Variants in FAM163B observed in about 807,000 individuals in gnomAD.
FAM163B encodes family with sequence similarity 163 member B, also known as protein FAM163B.
FAM163B carries 4 observed loss-of-function variants against 7.6 expected under a neutral mutation model. The ratio of observed to expected loss-of-function variants is 0.52; its 90% confidence interval spans 0.26 to 1.20. FAM163B has a LOEUF of 1.20. Ranked by LOEUF, FAM163B falls within the 50% of genes most tolerant of loss-of-function variation. FAM163B has a pLI of 0.14. For synonymous variants in FAM163B, 120 were observed against 111.6 expected (o/e 1.07, Z -0.47); for missense variants, 250 against 243.0 (o/e 1.03, Z -0.19).
At chr9:133,588,474 A>G (rs1164424462) in intron 1 of FAM163B, among the ~76,000 whole-genome samples, 2 of 125,596 alleles carry the variant, frequency 1.6e-5, no homozygotes, top group Admixed American at 1.6e-4. Context: ...TGCCCAGAAG[A>G]GGGCACACCT....
chr9:133,594,555 C>T (rs3025317), intron 1 of FAM163B, among the ~76,000 whole-genome samples: 58,530 of 152,010 alleles, frequency 0.39, 11,561 homozygotes, highest in Admixed American at 0.46. Context: ...GCTCTAGTAG[C>T]ACCCTCTGTC....
At chr9:133,591,297 C>G (rs539232774) in intron 1 of FAM163B, among the ~76,000 whole-genome samples, 2 of 152,356 alleles carry the variant, frequency 1.3e-5, no homozygotes, top group African/African-American at 4.8e-5. Flanking sequence ...TTTACTTAGG[C>G]CAGGAACCAG....
At chr9:133,584,199 G>A (rs1831398816) in intron 1 of FAM163B, among the ~76,000 whole-genome samples, 3 of 152,250 alleles carry the variant, frequency 2.0e-5, no homozygotes, top group South Asian at 4.2e-4. Context: ...TTTAATGGGG[G>A]AAGAATATGG....
Position 133,578,774 on chromosome 9 carries a change from G to A in FAM163B, c.*248C>T, listed in dbSNP as rs1831294357. On this transcript the variant is annotated 3_prime_UTR_variant, in exon 3 of 3. Coordinates refer to ENST00000673969, the MANE Select transcript of FAM163B (RefSeq NM_001080515.3). Reference sequence around the variant, plus strand: ...AGCCCTGGTGCATGCCCAGCCGGCTGTATGGTCACCTGGTCCTTCTAGCCC... The same window carrying A: ...AGCCCTGGTGCATGCCCAGCCGGCTATATGGTCACCTGGTCCTTCTAGCCC... 1.7e-6 allele frequency: 1 copy of A among 601,624 alleles called. No homozygotes were observed. The highest frequency in any genetic ancestry group is 2.6e-6 in the Non-Finnish European group (1 of 383,810). 37.3% of individuals were successfully genotyped at this position (601,624 alleles called of 1,614,324 possible).
Position 133,579,564 on chromosome 9 carries a change from C to G in FAM163B, c.94-135G>C, listed in dbSNP as rs1163421463. ...GGTGGCCCAAGCCCAGGCCTGACAC[C>G]TCAGCTGTTTAACCAGTGCTATGGG... On this transcript the variant is annotated intron_variant, in intron 2 of 2. Coordinates refer to ENST00000673969, the MANE Select transcript of FAM163B (RefSeq NM_001080515.3). The G allele has an allele frequency of 1.9e-5, 21 of 1,120,780 alleles. No homozygotes were observed. The East Asian group carries it at 5.2e-4, about 28-fold the overall frequency. 69.4% of individuals were successfully genotyped at this position (1,120,780 alleles called of 1,614,324 possible).
intron 1 of FAM163B, 118 bp from the exon 2 acceptor site, chr9:133,580,364 T>C: frequency 1.3e-6 from 1 of 771,382 alleles, no homozygotes; most frequent in East Asian, 2.7e-5. Flanking sequence ...AGGATGTGCC[T>C]GTGAGAGGCA....
At chr9:133,607,759 G>C (rs1042982540) in intron 1 of FAM163B, among the ~76,000 whole-genome samples, 1 of 152,216 alleles carries the variant, frequency 6.6e-6, no homozygotes, top group African/African-American at 2.4e-5. Flanking sequence ...CAAACTGCCA[G>C]CAAGTGCAAG....
rs1010002667 is a variant in FAM163B, at chr9:133,601,586, C to T, written c.-24+7491G>A. Among the ~76,000 whole-genome samples the T allele has an allele frequency of 2.6e-5, 4 of 152,168 alleles. No homozygotes were observed. The highest frequency in any genetic ancestry group is 7.2e-5 in the African/African-American group (3 of 41,434). ...GTGCCACATGGGTCAGACGCAGCTA[C>T]CCCCCGGACTGCTCCTACACGCTGG... On this transcript the variant is annotated intron_variant, in intron 1 of 2. Coordinates refer to ENST00000673969, the MANE Select transcript of FAM163B (RefSeq NM_001080515.3). This position sits in a 1 kb window ranked among gnomAD's most constrained non-coding sequence, Gnocchi z 4.1.
In FAM163B at chr9:133,577,542, T is replaced by C. The variant is rs1263692157; in HGVS notation, c.*1480A>G. 6.6e-6 allele frequency among the ~76,000 whole-genome samples: 1 copy of C among 152,260 alleles called. No homozygotes were observed. Among genetic ancestry groups the C allele is most frequent in the African/African-American group, 2.4e-5 (1 of 41,472 alleles). ...TTTTGAGTAAGGGCAAGAAGTGTCC[T>C]GCTCAAGCCACCCCTCCGCTCAGGG... On this transcript the variant is annotated 3_prime_UTR_variant, in exon 3 of 3. Coordinates refer to ENST00000673969, the MANE Select transcript of FAM163B (RefSeq NM_001080515.3).
At chr9:133,595,452 A>T (rs1410968436) in intron 1 of FAM163B, among the ~76,000 whole-genome samples, 1 of 152,198 alleles carries the variant, frequency 6.6e-6, no homozygotes, top group Non-Finnish European at 1.5e-5. Context: ...CCCGGCCAGG[A>T]CTGTGCATTT....
At chr9:133,603,361 C>T (rs368138621) in intron 1 of FAM163B, among the ~76,000 whole-genome samples, 8 of 152,184 alleles carry the variant, frequency 5.3e-5, no homozygotes, top group Admixed American at 3.3e-4. Context: ...TCAGAGCTAA[C>T]GCTAGGGGGA....
At chr9:133,599,218 G>A (rs946630844) in intron 1 of FAM163B, among the ~76,000 whole-genome samples, 7 of 152,210 alleles carry the variant, frequency 4.6e-5, no homozygotes, top group Middle Eastern at 3.4e-3. Context: ...CTGCTCCATC[G>A]ACTCGGAACT....
In FAM163B at chr9:133,600,249, T is replaced by A. The variant is rs1831702159; in HGVS notation, c.-24+8828A>T. 7.3e-6 allele frequency among the ~76,000 whole-genome samples: 1 copy of A among 136,312 alleles called. No homozygotes were observed. The highest frequency in any genetic ancestry group is 1.6e-5 in the Non-Finnish European group (1 of 64,198). The allele number at this position is 136,312 out of a possible 152,430, so 89.4% of individuals were successfully genotyped here. ...GGAATGTGGTCTGTGTGCATGTGTG[T>A]GAGTGTGGTCTGTGTGTGTGTGTGT... On this transcript the variant is annotated intron_variant, in intron 1 of 2. Coordinates refer to ENST00000673969, the MANE Select transcript of FAM163B (RefSeq NM_001080515.3). The surrounding 1 kb of genome is among the most constrained non-coding windows in gnomAD (Gnocchi z 4.9).
Position 133,600,095 on chromosome 9 carries a change from G to A in FAM163B, c.-24+8982C>T, listed in dbSNP as rs1360845590. ...TGTGTGTGTGTCTGTGTGCATGTGTGCCTCTGAATGTGTGTGGTCTATGTG... is the reference window on the plus strand; with the variant it reads ...TGTGTGTGTGTCTGTGTGCATGTGTACCTCTGAATGTGTGTGGTCTATGTG... On this transcript the variant is annotated intron_variant, in intron 1 of 2. Transcript: ENST00000673969. This position sits in a 1 kb window ranked among gnomAD's most constrained non-coding sequence, Gnocchi z 4.9. 1.3e-5 allele frequency among the ~76,000 whole-genome samples: 2 copies of A among 150,816 alleles called. No homozygotes were observed. Among genetic ancestry groups the A allele is most frequent in the East Asian group, 1.9e-4 (1 of 5,132 alleles).
In FAM163B at chr9:133,578,664, G is replaced by T. The variant is rs2131205230; in HGVS notation, c.*358C>A. The T allele has an allele frequency of 3.9e-6, 1 of 257,710 alleles. No individual in the cohort carries two copies. Among genetic ancestry groups the T allele is most frequent in the Non-Finnish European group, 7.3e-6 (1 of 136,250 alleles). 16.0% of individuals were successfully genotyped at this position (257,710 alleles called of 1,614,324 possible). Reference sequence around the variant, plus strand: ...GAGAAGGGTGAGACCCAGGGAGGGGGTGACACATGGAGACCTCCTGGGAAG... The same window carrying T: ...GAGAAGGGTGAGACCCAGGGAGGGGTTGACACATGGAGACCTCCTGGGAAG... On this transcript the variant is annotated 3_prime_UTR_variant, in exon 3 of 3. Transcript: ENST00000673969.
rs1327211414 is a variant in FAM163B, at chr9:133,609,239, G to T, written c.-186C>A. 6.6e-6 allele frequency among the ~76,000 whole-genome samples: 1 copy of T among 151,108 alleles called. No individual in the cohort carries two copies. The highest frequency in any genetic ancestry group is 1.5e-5 in the Non-Finnish European group (1 of 67,652). The stretch of plus-strand genomic sequence containing the variant: ...GCTGGGCGGGCGAGGCGGGCGCTGA[G>T]AAGCCCGGGAGGCCCCCGGGGAGGC... On this transcript the variant is annotated 5_prime_UTR_variant, in exon 1 of 3. Transcript: ENST00000673969.
At chr9:133,595,567 C>T (rs1416892785) in intron 1 of FAM163B, among the ~76,000 whole-genome samples, 1 of 152,114 alleles carries the variant, frequency 6.6e-6, no homozygotes, top group Non-Finnish European at 1.5e-5. Context: ...CCCGATCTCC[C>T]CCTCCCTCCT....
intron 1 of FAM163B, among the ~76,000 whole-genome samples, chr9:133,592,040 G>T (rs1831560589): frequency 6.6e-6 from 1 of 152,086 alleles, no homozygotes; most frequent in African/African-American, 2.4e-5. Flanking sequence ...GGCCCACCCT[G>T]CTTGTTTTCA....
chr9:133,597,693 A>C (rs941994657), intron 1 of FAM163B, among the ~76,000 whole-genome samples: 2 of 152,192 alleles, frequency 1.3e-5, no homozygotes, highest in African/African-American at 4.8e-5. Context: ...ATTATAATCA[A>C]ATTGCTTAAA....
Sources: gnomAD v4.1 joint callset for allele counts (sites outside exome capture counted in the v4.1 genomes callset) on GRCh38, gnomAD v4.1.1 for gene constraint, Gnocchi (gnomAD v3.1) non-coding constraint, MANE v1.5 for transcripts, NCBI Gene and HGNC (gene_info 2026-07-23, HGNC 2026-07-21) for gene names.